Variants in HCFC2 observed in about 807,000 individuals in gnomAD.
HCFC2 encodes the protein host cell factor C2.
Under a neutral mutation model 89.2 loss-of-function variants are expected in HCFC2, and 18 were observed. The observed-to-expected ratio is 0.20, with a 90% CI of 0.14 to 0.30. The LOEUF is 0.30. Among genes scored for constraint, HCFC2 ranks in the 10% least tolerant of loss-of-function variants. The probability of loss-of-function intolerance (pLI) is 1.00; values close to 1 mark genes in which losing one functional copy is unlikely to be tolerated. For missense variants in HCFC2, 578 were observed against 956.1 expected, an observed-to-expected ratio of 0.60 and a Z score of 5.21; for synonymous variants, 308 against 335.7, an observed-to-expected ratio of 0.92 and a Z score of 0.90.
At chr12:104,082,471 C>G in intron 5 of HCFC2, 29 bp from the exon 6 acceptor site, 1 of 1,368,738 alleles carries the variant, frequency 7.3e-7, no homozygotes, top group South Asian at 1.2e-5. Context: ...AAATAAGCTA[C>G]TTTATGTTTT....
chr12:104,086,005 T>C (rs1023738442), intron 7 of HCFC2, among the ~76,000 whole-genome samples: 3 of 150,370 alleles, frequency 2.0e-5, no homozygotes, highest in Admixed American at 6.6e-5. Context: ...ATTTTTTTTT[T>C]TTTTTTTTTT....
chr12:104,065,154 G>T (rs367609749), intron 1 of HCFC2: 1 of 153,834 alleles, frequency 6.5e-6, no homozygotes, highest in African/African-American at 2.4e-5. Flanking sequence ...GACCATCTAG[G>T]GGGTGAGGAG....
chr12:104,105,037 T>G lies in HCFC2; in HGVS notation c.*1764T>G, dbSNP rs1415864860. 6.6e-6 allele frequency: 1 copy of G among 152,076 alleles called. No individual in the cohort carries two copies. The highest frequency in any genetic ancestry group is 1.5e-5 in the Non-Finnish European group (1 of 67,896). 9.4% of individuals were successfully genotyped at this position (152,076 alleles called of 1,614,324 possible). On this transcript the variant is annotated 3_prime_UTR_variant, in exon 15 of 15. Coordinates refer to ENST00000229330, the MANE Select transcript of HCFC2 (RefSeq NM_013320.3). Reference sequence around the variant, plus strand: ...CTTGCTTTTTGCACTAGTAGAATTTTAACTTACCTCATTATTATGTTTGTA... The same window carrying G: ...CTTGCTTTTTGCACTAGTAGAATTTGAACTTACCTCATTATTATGTTTGTA...
In HCFC2 at chr12:104,082,488, G is replaced by A; in HGVS notation, c.768-12G>A. ...ATAAGCTACTTTATGTTTTTGTTTT[G>A]TTGTTGCTCAGGATGTACATTTTTG... is the stretch of plus-strand genomic sequence containing the variant. On this transcript the variant is annotated splice_polypyrimidine_tract_variant and intron_variant, in intron 5 of 14. Transcript: ENST00000229330. The A allele has an allele frequency of 3.9e-6, 6 of 1,521,110 alleles. No homozygotes were observed. The highest frequency in any genetic ancestry group is 5.5e-6 in the Non-Finnish European group (6 of 1,097,386). The allele number at this position is 1,521,110 out of a possible 1,614,324, so 94.2% of individuals were successfully genotyped here.
chr12:104,068,112 G>A lies in HCFC2; in HGVS notation c.473+5G>A. 1.3e-6 allele frequency: 2 copies of A among 1,577,042 alleles called. No homozygotes were observed. Among genetic ancestry groups the A allele is most frequent in the Non-Finnish European group, 1.7e-6 (2 of 1,166,350 alleles). ...TTCAAACAATAATGTTCCCAGGTAT[G>A]CTGACTCTTTCAGACCAAATGCTTA... On this transcript the variant is annotated splice_donor_5th_base_variant and intron_variant, in intron 3 of 14. Coordinates refer to ENST00000229330, the MANE Select transcript of HCFC2 (RefSeq NM_013320.3). The surrounding 1 kb of genome is among the most constrained non-coding windows in gnomAD (Gnocchi z 4.1).
In HCFC2 at chr12:104,074,942, AT is replaced by A. The variant is rs1235477239; in HGVS notation, c.474-4501del. The stretch of plus-strand genomic sequence containing the variant: ...ACCTGGGATTGGTATATGATCTTTT[AT>A]TGCCTTTTCAATTTCTTCTATAAGT... On this transcript the variant is annotated intron_variant, in intron 3 of 14. Transcript: ENST00000229330. 2.6e-5 allele frequency among the ~76,000 whole-genome samples: 4 copies of A among 152,168 alleles called. No individual in the cohort carries two copies. The East Asian group carries it at 7.7e-4, about 29-fold the overall frequency.
At chr12:104,096,548 C>T (rs977227444) in intron 12 of HCFC2, 115 bp downstream of exon 12, 3 of 626,370 alleles carry the variant, frequency 4.8e-6, no homozygotes, top group Non-Finnish European at 8.4e-6. Context: ...AATGAACTGA[C>T]ATAAATTTAG....
At chr12:104,091,695 T>A (rs1183719337) in intron 9 of HCFC2, among the ~76,000 whole-genome samples, 6 of 152,324 alleles carry the variant, frequency 3.9e-5, no homozygotes, top group African/African-American at 1.2e-4. Flanking sequence ...GATGTAAGGA[T>A]TTTGGAATGA....
chr12:104,071,735 A>C (rs2136596560), intron 3 of HCFC2, among the ~76,000 whole-genome samples: 1 of 152,326 alleles, frequency 6.6e-6, no homozygotes, highest in African/African-American at 2.4e-5. Context: ...AAATTCTACC[A>C]AATTGTTTTC....
intron 3 of HCFC2, among the ~76,000 whole-genome samples, chr12:104,078,724 A>G (rs936490042): frequency 1.3e-5 from 2 of 152,188 alleles, no homozygotes; most frequent in Non-Finnish European, 2.9e-5. Flanking sequence ...CCAAAATTTA[A>G]TGATGCAGAA....
At chr12:104,078,093 G>C (rs1183406886) in intron 3 of HCFC2, among the ~76,000 whole-genome samples, 1 of 152,048 alleles carries the variant, frequency 6.6e-6, no homozygotes, top group Non-Finnish European at 1.5e-5. Context: ...CTGCCTCCCG[G>C]GTTCATGCCA....
rs1884149931 is a variant in HCFC2 at position 104,095,489 on chromosome 12, C to G, written c.1592C>G (p.Thr531Ser). 2 of 1,613,716 alleles carry G rather than the reference C, an allele frequency of 1.2e-6. No individual in the cohort carries two copies. Among genetic ancestry groups the G allele is most frequent in the Non-Finnish European group, 1.7e-6 (2 of 1,179,756 alleles). Residue 531 changes from threonine (T) to serine (S), a missense_variant, in exon 11 of 15, where the codon ACT (threonine) becomes AGT (serine). Around this residue, in one of 4 missense-constraint regions of HCFC2, gnomAD observed 210 missense variants for 251.7 expected, o/e 0.83. Transcript: ENST00000229330. This position sits in a 1 kb window ranked among gnomAD's most constrained non-coding sequence, Gnocchi z 4.2. ...QTMVTQQTIK[T>S]ESSSTNGAVV... ...ATGGTAACCCAGCAGACCATTAAAA[C>G]TGAATCATCCAGTACAAATGGGGCA...
intron 3 of HCFC2, among the ~76,000 whole-genome samples, chr12:104,069,085 C>T (rs746779703): frequency 1.3e-5 from 2 of 152,016 alleles, no homozygotes; most frequent in African/African-American, 4.8e-5. Flanking sequence ...GTGGGTGGAT[C>T]GCTTGAGCCC....
rs761864841 is a variant in HCFC2, at chr12:104,067,996, G to T, written c.362G>T (p.Gly121Val). The stretch of plus-strand genomic sequence containing the variant: ...GTGAAACCCCATCCCCCTCCTTCTG[G>T]TTTACCTCCTTGTCCTCGGCTTGGA... ...KKVKPHPPPS[G>V]LPPCPRLGHS... Residue 121 changes from glycine to valine, a missense_variant, in exon 3 of 15, where the codon GGT becomes GTT. Physicochemically the swap from Gly to Val is moderately radical, Grantham distance 109. This residue lies in a region of HCFC2 where 206 missense variants were observed against 419.2 expected (regional missense o/e 0.49). Coordinates refer to ENST00000229330, the MANE Select transcript of HCFC2 (RefSeq NM_013320.3). The T allele has an allele frequency of 3.7e-6, 6 of 1,606,378 alleles. No homozygotes were observed. Among genetic ancestry groups the T allele is most frequent in the Non-Finnish European group, 4.2e-6 (5 of 1,177,106 alleles).
chr12:104,094,488 A>G (rs1884118452), intron 10 of HCFC2, among the ~76,000 whole-genome samples: 1 of 152,196 alleles, frequency 6.6e-6, no homozygotes, highest in Admixed American at 6.6e-5. Flanking sequence ...TGTCTCATAC[A>G]TGGTAGACTT....
chr12:104,069,611 T>C (rs1446668623), intron 3 of HCFC2, among the ~76,000 whole-genome samples: 1 of 152,166 alleles, frequency 6.6e-6, no homozygotes, highest in Non-Finnish European at 1.5e-5. Context: ...AATGTCCTGC[T>C]GCTCCATCCA....
intron 3 of HCFC2, among the ~76,000 whole-genome samples, chr12:104,069,673 CTTT>C (rs1883260833): frequency 6.6e-6 from 1 of 151,766 alleles, no homozygotes; most frequent in Admixed American, 6.6e-5. Flanking sequence ...TAGACTTTCT[CTTT>C]TTTTATTTTT....
Position 104,064,599 on chromosome 12 carries a change from T to C in HCFC2, c.39T>C (p.Ser13=). The change falls in exon 1 of 15, where the codon TCT becomes TCC. Residue 13 remains serine (S), a synonymous_variant. Transcript: ENST00000229330. This position sits in a 1 kb window ranked among gnomAD's most constrained non-coding sequence, Gnocchi z 7.3. The part of the protein sequence containing the change: ...APSLLNWRRV[S]SFTGPVPRAR... ...GCCTCCTCAACTGGAGGCGAGTTTC[T>C]TCCTTCACGGGGCCGGTCCCCCGCG... is the stretch of plus-strand genomic sequence containing the variant. The C allele has an allele frequency of 1.3e-6, 2 of 1,572,872 alleles. No individual in the cohort carries two copies. The highest frequency in any genetic ancestry group is 1.8e-5 in the Admixed American group (1 of 54,276).
In HCFC2 at chr12:104,105,617, A is replaced by G. The variant is rs539028529; in HGVS notation, c.*2344A>G. 6.7e-5 allele frequency: 10 copies of G among 149,520 alleles called. No individual in the cohort carries two copies. The highest frequency in any genetic ancestry group is 2.5e-4 in the African/African-American group (10 of 40,610). The allele number at this position is 149,520 out of a possible 1,614,324, so 9.3% of individuals were successfully genotyped here. A position where few individuals can be genotyped will look rare whatever the true frequency, so the allele number is the denominator to read the frequency against. ...TTTTGGCATTTGTACATTAAGCACC[A>G]GTCATATTTATCTCTGTGATAAGGG... On this transcript the variant is annotated 3_prime_UTR_variant, in exon 15 of 15. Coordinates refer to ENST00000229330, the MANE Select transcript of HCFC2 (RefSeq NM_013320.3).
Sources: allele counts gnomAD v4.1 joint callset (sites outside exome capture counted in the v4.1 genomes callset), GRCh38; gene constraint gnomAD v4.1.1; regional missense constraint gnomAD v4.1.1; non-coding constraint Gnocchi (gnomAD v3.1); transcripts MANE v1.5; gene names NCBI Gene and HGNC (gene_info 2026-07-23, HGNC 2026-07-21).